Variants in ARID4B observed in about 807,000 individuals in gnomAD.
ARID4B encodes AT-rich interaction domain 4B, also known as AT-rich interactive domain-containing protein 4B.
In ARID4B, 26 loss-of-function variants were observed where a neutral mutation model predicts 147.5. The observed-to-expected ratio is 0.18, with a 90% CI of 0.13 to 0.24. ARID4B has a LOEUF of 0.24. Ranked by LOEUF, ARID4B falls within the 10% of genes least tolerant of loss-of-function variation. ARID4B has a pLI of 1.00. For missense variants in ARID4B, 1,179 were observed against 1,511.5 expected, an observed-to-expected ratio of 0.78 and a Z score of 3.65; for synonymous variants, 512 against 507.9, an observed-to-expected ratio of 1.01 and a Z score of -0.11.
chr1:235,195,453 TGTG>T (rs1454519781), intron 18 of ARID4B, among the ~76,000 whole-genome samples: 1 of 151,390 alleles, frequency 6.6e-6, no homozygotes, highest in African/African-American at 2.4e-5. Flanking sequence ...ATTAGCCAGG[TGTG>T]GTGGTGTGTG....
intron 19 of ARID4B, among the ~76,000 whole-genome samples, chr1:235,191,208 A>G (rs1430223364): frequency 2.0e-5 from 3 of 151,520 alleles, no homozygotes; most frequent in African/African-American, 4.9e-5. Context: ...GACTGAGCAC[A>G]CTCCCACATA....
chr1:235,200,047 G>A (rs1665782391), intron 17 of ARID4B, among the ~76,000 whole-genome samples: 1 of 151,284 alleles, frequency 6.6e-6, no homozygotes. Context: ...GGCCGGGCAC[G>A]GTGGCTCACA....
chr1:235,214,487 G>T (rs1666923967), intron 16 of ARID4B, among the ~76,000 whole-genome samples: 1 of 152,026 alleles, frequency 6.6e-6, no homozygotes, highest in Non-Finnish European at 1.5e-5. Flanking sequence ...ACAGAGTCTT[G>T]CTCTGTCACC....
At chr1:235,296,828 A>AG (rs1371550642) in intron 2 of ARID4B, among the ~76,000 whole-genome samples, 49 of 330 alleles carry the variant, frequency 0.15, 1 homozygote, top group African/African-American at 0.27. Context: ...GAAGGAAGGA[A>AG]GGAAGGAAGG....
intron 2 of ARID4B, among the ~76,000 whole-genome samples, chr1:235,320,014 C>A (rs934936017): frequency 6.6e-6 from 1 of 151,952 alleles, no homozygotes; most frequent in Non-Finnish European, 1.5e-5. Context: ...GTAGTCCCAG[C>A]TACTTGGGAG....
rs531199372 is a variant in ARID4B, at chr1:235,262,850, G to A, written c.7-2098C>T. ...CATAAGGATGGGAATATAATGTACA[G>A]CACAAGTGATAATGAATGTGTTTGT... On this transcript the variant is annotated intron_variant, in intron 2 of 23. Transcript: ENST00000264183. Among the ~76,000 whole-genome samples the A allele has an allele frequency of 1.3e-3, 201 of 152,262 alleles. 1 individual carries two copies. Among genetic ancestry groups the A allele is most frequent in the Non-Finnish European group, 2.5e-3 (172 of 68,020 alleles).
intron 4 of ARID4B, among the ~76,000 whole-genome samples, chr1:235,255,991 T>C (rs1669959939): frequency 1.3e-5 from 2 of 151,726 alleles, no homozygotes; most frequent in Non-Finnish European, 2.9e-5. Flanking sequence ...CTGGCCAACA[T>C]GGTGAAACCC....
intron 2 of ARID4B, among the ~76,000 whole-genome samples, chr1:235,301,038 C>CTTTTTTTTTTTTTTTTTTTTTT (rs780839339): frequency 8.9e-6 from 1 of 112,286 alleles, no homozygotes; most frequent in African/African-American, 3.7e-5. Context: ...TTTAAGTATT[C>CTTTTTTTTTTTTTTTTTTTTTT]TTTTTTTTTT....
intron 16 of ARID4B, among the ~76,000 whole-genome samples, chr1:235,216,139 C>T (rs907120878): frequency 6.6e-6 from 1 of 151,968 alleles, no homozygotes; most frequent in Non-Finnish European, 1.5e-5. Flanking sequence ...AGTCCGTGTT[C>T]ACGAAAGTAT....
At chr1:235,197,847 A>G (rs1362271464) in intron 17 of ARID4B, among the ~76,000 whole-genome samples, 3 of 152,194 alleles carry the variant, frequency 2.0e-5, no homozygotes, top group Admixed American at 6.5e-5. Context: ...TGGTACTTCT[A>G]CCTGGCACTG....
At chr1:235,195,809 G>C (rs932991930) in intron 18 of ARID4B, among the ~76,000 whole-genome samples, 1 of 152,132 alleles carries the variant, frequency 6.6e-6, no homozygotes, top group Non-Finnish European at 1.5e-5. Context: ...AAATCTGGTT[G>C]AATGGCTTTA....
At chr1:235,200,242 T>C (rs1271995156) in intron 17 of ARID4B, among the ~76,000 whole-genome samples, 2 of 151,598 alleles carry the variant, frequency 1.3e-5, no homozygotes, top group Admixed American at 6.6e-5. Context: ...GGGCAGATCA[T>C]GAGGTCAGGA....
chr1:235,274,963 G>C (rs116309475), intron 2 of ARID4B, among the ~76,000 whole-genome samples: 5 of 152,134 alleles, frequency 3.3e-5, no homozygotes, highest in Admixed American at 3.3e-4. Context: ...ACAATGGTAA[G>C]AGTAGGAAAA....
chr1:235,240,409 C>T lies in ARID4B; in HGVS notation c.489G>A (p.Glu163=), dbSNP rs1558237043. Residue 163 remains glutamate, a synonymous_variant, in exon 8 of 24, where the codon GAG becomes GAA. Coordinates refer to ENST00000264183, the MANE Select transcript of ARID4B (RefSeq NM_016374.6). ...GCTCATCAATCTGTTTCCTATCATC[C>T]TCATCTTCATCACTGGAGGATGATG... ...ESSSSSSDED[E]DDRKQIDELL... 9 of 1,613,420 alleles carry T rather than the reference C, an allele frequency of 5.6e-6. No individual in the cohort carries two copies. The highest frequency in any genetic ancestry group is 2.2e-5 in the East Asian group (1 of 44,782).
At chr1:235,205,231 G>GA (rs532320542) in intron 17 of ARID4B, among the ~76,000 whole-genome samples, 1 of 150,648 alleles carries the variant, frequency 6.6e-6, no homozygotes, top group Non-Finnish European at 1.5e-5. Context: ...AAATAAGAAA[G>GA]AAAAAAAATG....
intron 19 of ARID4B, chr1:235,186,967 A>T (rs1664726666): frequency 1.4e-5 from 4 of 284,112 alleles, no homozygotes; most frequent in South Asian, 1.2e-4. Context: ...AAGTGCTGGG[A>T]TTACAGGCAT....
At chr1:235,319,376 G>A (rs1674660739) in intron 2 of ARID4B, among the ~76,000 whole-genome samples, 1 of 152,120 alleles carries the variant, frequency 6.6e-6, no homozygotes, top group African/African-American at 2.4e-5. Context: ...GCTGGGCATG[G>A]TGCCGTGCAC....
At chr1:235,251,405 C>T (rs1055487627) in intron 6 of ARID4B, among the ~76,000 whole-genome samples, 1 of 151,872 alleles carries the variant, frequency 6.6e-6, no homozygotes, top group African/African-American at 2.4e-5. Flanking sequence ...AAATACCAAG[C>T]AGTCTAATAA....
intron 2 of ARID4B, among the ~76,000 whole-genome samples, chr1:235,311,765 C>T (rs1674069979): frequency 2.0e-5 from 3 of 151,490 alleles, no homozygotes; most frequent in Admixed American, 2.0e-4. Context: ...CAGAGCAAGA[C>T]CCTGTCTCAA....
Sources: allele counts gnomAD v4.1 joint callset (sites outside exome capture counted in the v4.1 genomes callset), GRCh38; gene constraint gnomAD v4.1.1; transcripts MANE v1.5; gene names NCBI Gene and HGNC (gene_info 2026-07-23, HGNC 2026-07-21).